Variants in CPED1 observed in about 807,000 individuals in gnomAD.
CPED1 encodes cadherin like and PC-esterase domain containing 1, also known as cadherin-like and PC-esterase domain-containing protein 1.
Under a neutral mutation model 128.2 loss-of-function variants are expected in CPED1, and 114 were observed. The ratio of observed to expected loss-of-function variants is 0.89; its 90% confidence interval spans 0.76 to 1.04. The LOEUF (loss-of-function observed/expected upper bound fraction) is 1.04. Ranked by LOEUF, CPED1 falls within the 50% of genes least tolerant of loss-of-function variation. The probability of loss-of-function intolerance (pLI) is 0.00; values close to 1 mark genes in which losing one functional copy is unlikely to be tolerated. For synonymous variants in CPED1, 462 were observed against 426.7 expected, an observed-to-expected ratio of 1.08 and a Z score of -1.02; for missense variants, 1,211 against 1,207.1, an observed-to-expected ratio of 1.00 and a Z score of -0.05.
intron 16 of CPED1, among the ~76,000 whole-genome samples, chr7:121,171,988 A>C (rs766636550): frequency 6.6e-6 from 1 of 152,148 alleles, no homozygotes; most frequent in African/African-American, 2.4e-5. Flanking sequence ...TTTGAACCCT[A>C]CTCTGAATAG....
At chr7:121,127,406 C>G (rs1030379356) in intron 10 of CPED1, 149 bp downstream of exon 10, 10 of 485,866 alleles carry the variant, frequency 2.1e-5, no homozygotes, top group Non-Finnish European at 3.6e-5. Flanking sequence ...TTTCTGACCT[C>G]TGGACTAAGA....
chr7:121,296,675 T>A lies in CPED1; in HGVS notation c.*1023T>A, dbSNP rs900451006. 55 of 150,886 alleles carry A rather than the reference T, an allele frequency of 3.6e-4. 1 individual carries two copies. The highest frequency in any genetic ancestry group is 1.2e-3 in the African/African-American group (48 of 41,188). The allele number at this position is 150,886 out of a possible 1,614,324, so 9.3% of individuals were successfully genotyped here. ...ATCCAAATTTAGATTAGACAAAAAATTATTATTTTAATTAAACTGTGGCAT... is the reference window on the plus strand; with the variant it reads ...ATCCAAATTTAGATTAGACAAAAAAATATTATTTTAATTAAACTGTGGCAT... On this transcript the variant is annotated 3_prime_UTR_variant, in exon 23 of 23. Transcript: ENST00000310396.
chr7:121,030,846 G>A (rs867682510), intron 3 of CPED1, among the ~76,000 whole-genome samples: 2 of 152,258 alleles, frequency 1.3e-5, no homozygotes, highest in Non-Finnish European at 2.9e-5. Flanking sequence ...TGCAGATAAG[G>A]GGGACTACTA....
chr7:121,045,215 G>A (rs560581490), intron 3 of CPED1, among the ~76,000 whole-genome samples: 3 of 152,290 alleles, frequency 2.0e-5, no homozygotes, highest in Admixed American at 6.5e-5. Context: ...GTTGCTGCAC[G>A]ATGAGATTTC....
intron 16 of CPED1, among the ~76,000 whole-genome samples, chr7:121,163,859 A>G (rs1796465330): frequency 6.6e-6 from 1 of 152,210 alleles, no homozygotes; most frequent in Non-Finnish European, 1.5e-5. Flanking sequence ...TGCCTTCTCA[A>G]TGGGCAACAG....
At chr7:121,194,098 T>C (rs1018672624) in intron 16 of CPED1, among the ~76,000 whole-genome samples, 1 of 141,836 alleles carries the variant, frequency 7.1e-6, no homozygotes, top group Admixed American at 7.3e-5. Context: ...GCCCAGGCTA[T>C]AGTGCAGTGG....
At chr7:121,063,287 A>G (rs984008858) in intron 4 of CPED1, among the ~76,000 whole-genome samples, 3 of 144,502 alleles carry the variant, frequency 2.1e-5, no homozygotes, top group Non-Finnish European at 4.5e-5. Flanking sequence ...CAGTTTTTAG[A>G]ACTGTATCTT....
intron 11 of CPED1, 137 bp from the exon 12 acceptor site, chr7:121,129,988 C>A: frequency 4.5e-6 from 3 of 665,280 alleles, no homozygotes; most frequent in Non-Finnish European, 7.0e-6. Context: ...TTGCAGAAAA[C>A]TAATTTATGG....
At chr7:121,282,072 C>T (rs948818916) in intron 22 of CPED1, among the ~76,000 whole-genome samples, 2 of 152,134 alleles carry the variant, frequency 1.3e-5, no homozygotes, top group African/African-American at 4.8e-5. Flanking sequence ...GTATTATTAA[C>T]CACATGTAGT....
intron 2 of CPED1, among the ~76,000 whole-genome samples, chr7:120,994,355 T>G (rs1319867628): frequency 6.6e-6 from 1 of 152,226 alleles, no homozygotes; most frequent in Non-Finnish European, 1.5e-5. Flanking sequence ...TTTCATTCAT[T>G]TAGTAAATAT....
intron 16 of CPED1, among the ~76,000 whole-genome samples, chr7:121,193,378 G>GA (rs1797191149): frequency 6.6e-6 from 1 of 152,128 alleles, no homozygotes; most frequent in Non-Finnish European, 1.5e-5. Flanking sequence ...TACTTTAGTT[G>GA]AAAAAATAAA....
At chr7:121,106,951 T>C (rs2116248828) in intron 7 of CPED1, among the ~76,000 whole-genome samples, 1 of 152,230 alleles carries the variant, frequency 6.6e-6, no homozygotes, top group African/African-American at 2.4e-5. Context: ...AAAAGAGGTC[T>C]AGTGTAAGCA....
At chr7:121,167,765 T>C (rs866002504) in intron 16 of CPED1, among the ~76,000 whole-genome samples, 125 of 143,336 alleles carry the variant, frequency 8.7e-4, no homozygotes, top group African/African-American at 3.2e-3. Flanking sequence ...GGAGTCTCGC[T>C]CTGTTGCCCA....
intron 22 of CPED1, among the ~76,000 whole-genome samples, chr7:121,283,338 C>T (rs1713733093): frequency 6.6e-6 from 1 of 152,154 alleles, no homozygotes; most frequent in Non-Finnish European, 1.5e-5. Context: ...TCTCCTTGTA[C>T]TCAGCTTTTA....
intron 12 of CPED1, among the ~76,000 whole-genome samples, chr7:121,132,589 C>G (rs534140821): frequency 9.9e-4 from 151 of 152,134 alleles, no homozygotes; most frequent in African/African-American, 3.5e-3. Flanking sequence ...TGAATCTGAA[C>G]AGAATGAAAA....
chr7:121,075,955 C>T (rs923358500), intron 5 of CPED1, among the ~76,000 whole-genome samples: 1 of 152,052 alleles, frequency 6.6e-6, no homozygotes, highest in Admixed American at 6.6e-5. Context: ...CAGTTCAAAC[C>T]CATGTTGTTC....
chr7:121,290,150 T>A (rs1026117003), intron 22 of CPED1, among the ~76,000 whole-genome samples: 5 of 152,236 alleles, frequency 3.3e-5, no homozygotes, highest in African/African-American at 1.2e-4. Context: ...TCCTTTTTTA[T>A]GGCTGCATAG....
At chr7:121,254,081 G>A (rs367794741) in intron 18 of CPED1, among the ~76,000 whole-genome samples, 1 of 151,818 alleles carries the variant, frequency 6.6e-6, no homozygotes, top group East Asian at 1.9e-4. Context: ...CCTACAGAAC[G>A]CTCCACCCAA....
chr7:121,107,496 C>T (rs113979290), intron 7 of CPED1, among the ~76,000 whole-genome samples: 41 of 152,116 alleles, frequency 2.7e-4, no homozygotes, highest in Admixed American at 5.9e-4. Context: ...TCAGCCGATT[C>T]AGGGAGAGAG....
Sources: allele counts gnomAD v4.1 joint callset (sites outside exome capture counted in the v4.1 genomes callset), GRCh38; gene constraint gnomAD v4.1.1; transcripts MANE v1.5; gene names NCBI Gene and HGNC (gene_info 2026-07-23, HGNC 2026-07-21).